Variants in KCNIP4 observed in about 807,000 individuals in gnomAD.
The protein encoded by KCNIP4 is Kv channel-interacting protein 4.
KCNIP4 carries 12 observed loss-of-function variants against 34.0 expected under a neutral mutation model. That is an observed-to-expected ratio of 0.35 (90% CI 0.23 to 0.57). The LOEUF (loss-of-function observed/expected upper bound fraction) is 0.57, where lower values mean the gene tolerates loss of function less well. Among genes scored for constraint, KCNIP4 ranks in the 20% least tolerant of loss-of-function variants. The pLI is 0.83. For missense variants in KCNIP4, 238 were observed against 311.7 expected, an observed-to-expected ratio of 0.76 and a Z score of 1.78; for synonymous variants, 124 against 102.2, an observed-to-expected ratio of 1.21 and a Z score of -1.29.
chr4:21,672,479 T>C (rs1215495843), intron 1 of KCNIP4, among the ~76,000 whole-genome samples: 1 of 152,216 alleles, frequency 6.6e-6, no homozygotes, highest in Non-Finnish European at 1.5e-5. Context: ...CTGGATCTGA[T>C]ATAATAACCT....
chr4:20,979,258 A>G (rs1735798495), intron 1 of KCNIP4, among the ~76,000 whole-genome samples: 2 of 152,198 alleles, frequency 1.3e-5, no homozygotes, highest in Admixed American at 1.3e-4. Flanking sequence ...ATCATTAAAT[A>G]AGAACTTCTG....
At chr4:21,480,406 C>A (rs17524714) in intron 1 of KCNIP4, among the ~76,000 whole-genome samples, 19,010 of 152,018 alleles carry the variant, frequency 0.13, 1,352 homozygotes, top group South Asian at 0.22. Flanking sequence ...ACAAATTATA[C>A]TGGGCTTATA....
intron 1 of KCNIP4, among the ~76,000 whole-genome samples, chr4:21,786,167 T>A (rs1167917003): frequency 1.3e-5 from 2 of 152,230 alleles, no homozygotes; most frequent in African/African-American, 4.8e-5. Flanking sequence ...CAGGATGGTC[T>A]CGATCTGTTG....
At chr4:21,919,815 G>T (rs1245407430) in intron 1 of KCNIP4, among the ~76,000 whole-genome samples, 1 of 152,146 alleles carries the variant, frequency 6.6e-6, no homozygotes, top group Non-Finnish European at 1.5e-5. Flanking sequence ...TGATTATGAA[G>T]CAAGCAATCA....
chr4:21,393,044 A>G (rs1049632739), intron 1 of KCNIP4, among the ~76,000 whole-genome samples: 1 of 152,196 alleles, frequency 6.6e-6, no homozygotes, highest in African/African-American at 2.4e-5. Context: ...ATATAAACAT[A>G]AAATGGAATC....
At chr4:21,487,595 G>A (rs1732026034) in intron 1 of KCNIP4, among the ~76,000 whole-genome samples, 1 of 152,134 alleles carries the variant, frequency 6.6e-6, no homozygotes, top group African/African-American at 2.4e-5. Flanking sequence ...TCTCTGTGAG[G>A]TTAGGAAATC....
chr4:21,174,815 G>A (rs1754281315), intron 1 of KCNIP4, among the ~76,000 whole-genome samples: 1 of 150,478 alleles, frequency 6.6e-6, no homozygotes, highest in African/African-American at 2.5e-5. Context: ...TGAGGCAGAA[G>A]AATCACTTGA....
At chr4:21,465,378 A>T (rs534250212) in intron 1 of KCNIP4, among the ~76,000 whole-genome samples, 1 of 152,122 alleles carries the variant, frequency 6.6e-6, no homozygotes, top group Non-Finnish European at 1.5e-5. Flanking sequence ...TTCTGTCCAC[A>T]GGATTCTCTA....
intron 1 of KCNIP4, among the ~76,000 whole-genome samples, chr4:21,305,463 C>T (rs577317195): frequency 1.5e-4 from 23 of 152,314 alleles, no homozygotes; most frequent in African/African-American, 4.6e-4. Flanking sequence ...ACTACCACCT[C>T]GGGTGCTTTT....
chr4:21,216,172 G>A (rs186843844), intron 1 of KCNIP4, among the ~76,000 whole-genome samples: 1 of 152,224 alleles, frequency 6.6e-6, no homozygotes, highest in East Asian at 1.9e-4. Context: ...CAAGGATCAG[G>A]TTTTTTGGGC....
intron 1 of KCNIP4, among the ~76,000 whole-genome samples, chr4:21,859,146 T>C (rs1560767772): frequency 6.6e-6 from 1 of 152,134 alleles, no homozygotes; most frequent in South Asian, 2.1e-4. Context: ...CAAACATAAA[T>C]AAACAATCTT....
intron 1 of KCNIP4, among the ~76,000 whole-genome samples, chr4:21,936,395 T>C (rs997585057): frequency 2.0e-5 from 3 of 152,118 alleles, no homozygotes; most frequent in Admixed American, 6.6e-5. Flanking sequence ...ACCATGACGG[T>C]GAGGTCTGCC....
Position 21,488,541 on chromosome 4 carries a change from A to C in KCNIP4, c.61+460030T>G, listed in dbSNP as rs567256924. Among the ~76,000 whole-genome samples, 7 of 152,236 alleles carry C rather than the reference A, an allele frequency of 4.6e-5. No homozygotes were observed. The South Asian group carries it at 8.3e-4, about 18-fold the overall frequency. ...AAGAATATGCATATGGCTAAAAAAA[A>C]CCTCTATATTAAGCCAGGTAGAAAT... On this transcript the variant is annotated intron_variant, in intron 1 of 8. Transcript: ENST00000382152.
intron 1 of KCNIP4, among the ~76,000 whole-genome samples, chr4:21,087,146 A>AGGTG (rs1553935809): frequency 4.1e-4 from 46 of 110,934 alleles, no homozygotes; most frequent in African/African-American, 1.7e-3. Context: ...CTGCTGGGTA[A>AGGTG]TGTGTGTGTG....
Position 20,749,726 on chromosome 4 carries a change from G to A in KCNIP4, c.365C>T (p.Thr122Ile). 3 of 1,605,266 alleles carry A rather than the reference G, an allele frequency of 1.9e-6. No individual in the cohort carries two copies. Among genetic ancestry groups the A allele is most frequent in the Non-Finnish European group, 2.6e-6 (3 of 1,173,556 alleles). ...ATTGAACAGAAAATGTGCATATGTT[G>A]TAGAGTCTGAAATGGTAAAAAGGGA... ...YSQFFPQGDS[T>I]TYAHFLFNAF... is the part of the protein sequence containing the mutation. Residue 122 changes from threonine to isoleucine, a missense_variant, in exon 5 of 9, where the codon ACA (threonine) becomes ATA (isoleucine). Transcript: ENST00000382152.
At chr4:21,432,706 T>C (rs917962351) in intron 1 of KCNIP4, among the ~76,000 whole-genome samples, 1 of 152,128 alleles carries the variant, frequency 6.6e-6, no homozygotes, top group East Asian at 1.9e-4. Context: ...GGAAGGCAAA[T>C]TGATGTGTAA....
At chr4:21,120,753 A>T (rs927637976) in intron 1 of KCNIP4, among the ~76,000 whole-genome samples, 2 of 152,170 alleles carry the variant, frequency 1.3e-5, no homozygotes, top group African/African-American at 4.8e-5. Flanking sequence ...AAAATTCAAG[A>T]TGAGATTTGG....
At chr4:21,791,483 G>A (rs1389585056) in intron 1 of KCNIP4, among the ~76,000 whole-genome samples, 1 of 152,140 alleles carries the variant, frequency 6.6e-6, no homozygotes, top group Non-Finnish European at 1.5e-5. Flanking sequence ...GAGGAAGAAT[G>A]GGAAGGGTGC....
intron 1 of KCNIP4, among the ~76,000 whole-genome samples, chr4:21,105,081 CTTT>C (rs1560724930): frequency 6.6e-6 from 1 of 151,656 alleles, no homozygotes; most frequent in African/African-American, 2.4e-5. Context: ...AATGTGGTCT[CTTT>C]TTTGGTTCCA....
Sources: gnomAD v4.1 joint callset for allele counts (sites outside exome capture counted in the v4.1 genomes callset) on GRCh38, gnomAD v4.1.1 for gene constraint, MANE v1.5 for transcripts, NCBI Gene and HGNC (gene_info 2026-07-23, HGNC 2026-07-21) for gene names.